Variants in PUM1 observed in about 807,000 individuals in gnomAD.
PUM1 encodes the protein pumilio homolog 1.
PUM1 carries 13 observed loss-of-function variants against 131.8 expected under a neutral mutation model. The observed-to-expected ratio is 0.10, with a 90% CI of 0.06 to 0.16. PUM1 has a LOEUF of 0.16. Ranked by LOEUF, PUM1 falls within the 10% of genes least tolerant of loss-of-function variation. The pLI is 1.00. For missense variants in PUM1, 961 were observed against 1,512.4 expected, an observed-to-expected ratio of 0.64 and a Z score of 6.05; for synonymous variants, 509 against 556.5, an observed-to-expected ratio of 0.91 and a Z score of 1.20.
intron 2 of PUM1, among the ~76,000 whole-genome samples, chr1:31,039,205 A>G (rs1472983071): frequency 2.9e-5 from 4 of 137,832 alleles, no homozygotes; most frequent in African/African-American, 8.3e-5. Context: ...CCTGTTACCC[A>G]CGCTAACAAA....
chr1:30,937,374 T>A (rs35250264), intron 20 of PUM1, among the ~76,000 whole-genome samples: 1 of 152,104 alleles, frequency 6.6e-6, no homozygotes, highest in South Asian at 2.1e-4. Flanking sequence ...GGCATGGTGG[T>A]GCATGCCTGT....
chr1:30,952,176 A>G (rs1639962751), intron 16 of PUM1, 58 bp downstream of exon 16: 2 of 1,554,954 alleles, frequency 1.3e-6, no homozygotes, highest in Non-Finnish European at 8.9e-7. Context: ...AGGCTAATGA[A>G]AATCAAAATG....
chr1:30,978,612 T>A (rs2124465122), intron 9 of PUM1, among the ~76,000 whole-genome samples: 1 of 152,354 alleles, frequency 6.6e-6, no homozygotes, highest in South Asian at 2.1e-4. Flanking sequence ...AAGTAATATT[T>A]AGTCATGATG....
At chr1:31,035,410 C>T (rs1190648182) in intron 2 of PUM1, among the ~76,000 whole-genome samples, 3 of 150,224 alleles carry the variant, frequency 2.0e-5, no homozygotes, top group Non-Finnish European at 4.4e-5. Flanking sequence ...AAAAAAAAGT[C>T]ATAACTACCC....
intron 3 of PUM1, 53 bp from the exon 4 acceptor site, chr1:31,007,155 A>G: frequency 7.6e-7 from 1 of 1,312,368 alleles, no homozygotes; most frequent in Non-Finnish European, 1.1e-6. Flanking sequence ...GGATGAAAGT[A>G]CAGCAGTCAA....
At chr1:30,943,322 G>A (rs1041943493) in intron 18 of PUM1, among the ~76,000 whole-genome samples, 10 of 151,860 alleles carry the variant, frequency 6.6e-5, no homozygotes, top group Admixed American at 2.0e-4. Context: ...GAGTGCAATG[G>A]CACCATCTCG....
chr1:30,955,411 G>A (rs1448921907), intron 14 of PUM1, among the ~76,000 whole-genome samples: 1 of 149,834 alleles, frequency 6.7e-6, no homozygotes, highest in Non-Finnish European at 1.5e-5. Context: ...CTTGCAGTGA[G>A]CCGAGATTGT....
chr1:30,939,680 C>A (rs1160916760), intron 20 of PUM1, among the ~76,000 whole-genome samples: 1 of 152,020 alleles, frequency 6.6e-6, no homozygotes, highest in Non-Finnish European at 1.5e-5. Context: ...AGGACTGGGC[C>A]CACAGTAGCT....
At chr1:30,986,472 T>A (rs1641563601) in intron 7 of PUM1, among the ~76,000 whole-genome samples, 1 of 152,144 alleles carries the variant, frequency 6.6e-6, no homozygotes, top group Non-Finnish European at 1.5e-5. Context: ...TATACCAGGT[T>A]ATTTGAACTA....
In PUM1 at chr1:30,961,724, A is replaced by C. The variant is rs1020216195; in HGVS notation, c.2323+2950T>G. Among the ~76,000 whole-genome samples the C allele has an allele frequency of 9.6e-4, 146 of 151,966 alleles. 1 individual carries two copies. The highest frequency in any genetic ancestry group is 3.4e-3 in the African/African-American group (141 of 41,440). On this transcript the variant is annotated intron_variant, in intron 14 of 21. Transcript: ENST00000426105. ...TGGGACAAAGTGTAAAAAAGACAAGATGGGGAAAAGATCCACACGAGATAT... is the reference window on the plus strand; with the variant it reads ...TGGGACAAAGTGTAAAAAAGACAAGCTGGGGAAAAGATCCACACGAGATAT...
rs1019825679 is a variant in PUM1 at position 30,982,914 on chromosome 1, A to G, written c.1159-1509T>C. On this transcript the variant is annotated intron_variant, in intron 7 of 21. Transcript: ENST00000426105. ...AAGTAACCATGCACAGATTTCAAAA[A>G]TACTTTAGTTTTTTTTGTTTTGTTT... 2.0e-5 allele frequency among the ~76,000 whole-genome samples: 3 copies of G among 152,242 alleles called. No individual in the cohort carries two copies. The East Asian group carries it at 5.8e-4, about 29-fold the overall frequency.
Position 30,933,433 on chromosome 1 carries a change from C to CACACAT in PUM1, c.3436-97_3436-92dup, listed in dbSNP as rs1195758072. On this transcript the variant is annotated intron_variant, in intron 21 of 21. Coordinates refer to ENST00000426105, the MANE Select transcript of PUM1 (RefSeq NM_001020658.2). ...ATGCATTTGCATGTCATGCATCACA[C>CACACAT]ACACATACACACACACACACACACA... 492 of 870,432 alleles carry CACACAT rather than the reference C, an allele frequency of 5.7e-4. 1 individual carries two copies. The highest frequency in any genetic ancestry group is 8.3e-4 in the Admixed American group (44 of 52,972). 53.9% of individuals were successfully genotyped at this position (870,432 alleles called of 1,614,324 possible).
chr1:31,046,486 TG>T (rs569267782), intron 2 of PUM1, among the ~76,000 whole-genome samples: 13,361 of 95,022 alleles, frequency 0.14, 873 homozygotes, highest in Admixed American at 0.24. Flanking sequence ...GCGGGGTTTT[TG>T]GGTTTTTTTT....
chr1:30,991,142 A>G (rs1641774742), intron 7 of PUM1, among the ~76,000 whole-genome samples: 1 of 152,188 alleles, frequency 6.6e-6, no homozygotes, highest in Non-Finnish European at 1.5e-5. Flanking sequence ...AAAAACACAG[A>G]AAGTGTTAGA....
intron 14 of PUM1, among the ~76,000 whole-genome samples, chr1:30,955,269 C>G (rs1400219634): frequency 6.8e-6 from 1 of 146,460 alleles, no homozygotes; most frequent in Non-Finnish European, 1.5e-5. Flanking sequence ...TCCTGGCTAA[C>G]ACGGTGAAAC....
chr1:31,012,449 A>G (rs1642653474), intron 3 of PUM1, among the ~76,000 whole-genome samples: 2 of 151,206 alleles, frequency 1.3e-5, no homozygotes, highest in South Asian at 4.2e-4. Context: ...TAACTGCCCC[A>G]CCAATAGTGT....
chr1:31,031,977 C>T (rs1264507452), intron 2 of PUM1, among the ~76,000 whole-genome samples: 2 of 150,828 alleles, frequency 1.3e-5, no homozygotes, highest in Non-Finnish European at 3.0e-5. Flanking sequence ...GTATCTCCCG[C>T]TGCCTCATTT....
rs1199604171 is a variant in PUM1 at position 30,985,684 on chromosome 1, C to T, written c.1159-4279G>A. On this transcript the variant is annotated intron_variant, in intron 7 of 21. Coordinates refer to ENST00000426105, the MANE Select transcript of PUM1 (RefSeq NM_001020658.2). ...AAAAAAAAAAAGAGTCAAAATCTCA[C>T]CGCACCAGGACCACCAGCTGCTATC... 6.0e-5 allele frequency among the ~76,000 whole-genome samples: 9 copies of T among 150,268 alleles called. No homozygotes were observed. In the East Asian group the frequency reaches 1.8e-3, roughly 29 times the overall value.
intron 2 of PUM1, among the ~76,000 whole-genome samples, chr1:31,057,156 C>A (rs1042725426): frequency 1.1e-4 from 16 of 152,142 alleles, no homozygotes; most frequent in Admixed American, 9.2e-4. Context: ...GCAATCCCAG[C>A]ACTCTGGGAG....
Sources: allele counts gnomAD v4.1 joint callset (sites outside exome capture counted in the v4.1 genomes callset), GRCh38; gene constraint gnomAD v4.1.1; transcripts MANE v1.5; gene names NCBI Gene and HGNC (gene_info 2026-07-23, HGNC 2026-07-21).